ZNF763: variants seen among roughly 807,000 people sequenced by gnomAD.
ZNF763 encodes DNA-binding protein.
ZNF763 carries 33 observed loss-of-function variants against 38.0 expected under a neutral mutation model. The observed-to-expected ratio is 0.87, with a 90% CI of 0.66 to 1.16. The LOEUF is 1.16. Among genes scored for constraint, ZNF763 ranks in the 50% most tolerant of loss-of-function variants. ZNF763 has a pLI of 0.00. For synonymous variants in ZNF763, 155 were observed against 160.1 expected (o/e 0.97, Z 0.24); for missense variants, 423 against 469.1 (o/e 0.90, Z 0.91).
rs545135573 is a variant in ZNF763, at chr19:11,977,423, A to T, written c.183A>T (p.Arg61Ser). 1.4e-5 allele frequency: 23 copies of T among 1,614,058 alleles called. 1 individual carries two copies. The Admixed American group carries it at 2.8e-4, about 20-fold the overall frequency. Residue 61 changes from arginine (R) to serine (S), a missense_variant, in exon 3 of 4, where the codon AGA (arginine) becomes AGT (serine). Coordinates refer to ENST00000358987, the MANE Select transcript of ZNF763 (RefSeq NM_001367172.2). ...AATATGAGTACCAAAACCCCAGGAG[A>T]AACTTCAGGTAATTGGCACTTAAAG... ...NIEYEYQNPR[R>S]NFRSLIEGNV...
chr19:11,974,697 G>A (rs984716318), intron 1 of ZNF763, among the ~76,000 whole-genome samples: 2 of 152,080 alleles, frequency 1.3e-5, no homozygotes, highest in African/African-American at 4.8e-5. Flanking sequence ...CCACCTCCCA[G>A]ATTCAAACAA....
chr19:11,975,722 G>A (rs981680023), intron 1 of ZNF763, among the ~76,000 whole-genome samples: 4 of 152,128 alleles, frequency 2.6e-5, no homozygotes, highest in Non-Finnish European at 5.9e-5. Flanking sequence ...ATATCCCATT[G>A]TATGTGTATG....
chr19:11,976,759 G>A (rs545488873), intron 1 of ZNF763: 10 of 643,398 alleles, frequency 1.6e-5, no homozygotes, highest in African/African-American at 7.9e-5. Context: ...CCAGCTACTC[G>A]GGAGGCTGAG....
chr19:11,970,845 C>T lies in ZNF763; in HGVS notation c.3+5634C>T, dbSNP rs924904228. Among the ~76,000 whole-genome samples the T allele has an allele frequency of 9.1e-4, 139 of 152,108 alleles. 10 individuals carry two copies. Among genetic ancestry groups the T allele is most frequent in the South Asian group, 2.1e-4 (1 of 4,834 alleles). ...ACCTGGGAGGCTGAGGCAGGAGAATCGCTTGAACCTGGGAGGTGGAGGTTG... is the reference window on the plus strand; with the variant it reads ...ACCTGGGAGGCTGAGGCAGGAGAATTGCTTGAACCTGGGAGGTGGAGGTTG... On this transcript the variant is annotated intron_variant, in intron 1 of 3. Coordinates refer to ENST00000358987, the MANE Select transcript of ZNF763 (RefSeq NM_001367172.2).
At chr19:11,973,770 G>C (rs1182947433) in intron 1 of ZNF763, among the ~76,000 whole-genome samples, 1 of 150,400 alleles carries the variant, frequency 6.6e-6, no homozygotes, top group Non-Finnish European at 1.5e-5. Context: ...GTTTTTGGCA[G>C]TTATGAGTAA....
At chr19:11,965,256 C>T (rs377477795) in intron 1 of ZNF763, 45 bp downstream of exon 1, 3 of 1,613,098 alleles carry the variant, frequency 1.9e-6, no homozygotes, top group Non-Finnish European at 8.5e-7. Context: ...TAGAGGCTGC[C>T]TGGAACCGGC....
At chr19:11,974,126 T>TTTTC (rs369346711) in intron 1 of ZNF763, among the ~76,000 whole-genome samples, 1,034 of 54,944 alleles carry the variant, frequency 0.019, 13 homozygotes, top group South Asian at 0.046. Context: ...TCTTTCTTTC[T>TTTTC]TTTCTTTCTT....
intron 1 of ZNF763, among the ~76,000 whole-genome samples, chr19:11,965,430 C>T (rs1400328095): frequency 1.3e-5 from 2 of 152,200 alleles, no homozygotes; most frequent in Non-Finnish European, 2.9e-5. Context: ...GCGGTGACTG[C>T]GGCCCCGCCC....
Position 11,977,157 on chromosome 19 carries a change from C to A in ZNF763, c.123C>A (p.Thr41=), listed in dbSNP as rs778980334. ...EVMLETFRNL[T]SIGKKWKDQN... ...TGCTGGAAACTTTCAGGAACCTGAC[C>A]TCTATAGGTAAGGATGACAATATTC... Residue 41 remains threonine (T), a synonymous_variant, in exon 2 of 4, where the codon ACC becomes ACA. Transcript: ENST00000358987. 6.2e-7 allele frequency: 1 copy of A among 1,614,068 alleles called. No homozygotes were observed. The highest frequency in any genetic ancestry group is 1.7e-5 in the Admixed American group (1 of 60,000).
intron 1 of ZNF763, among the ~76,000 whole-genome samples, chr19:11,970,785 G>A (rs762207495): frequency 1.4e-4 from 22 of 152,126 alleles, no homozygotes; most frequent in Non-Finnish European, 2.2e-4. Flanking sequence ...TACAGCATTA[G>A]CTGAGCATGG....
chr19:11,977,326 A>C (rs757530179), intron 2 of ZNF763, 45 bp from the exon 3 acceptor site: 23 of 1,604,156 alleles, frequency 1.4e-5, no homozygotes, highest in Admixed American at 3.5e-5. Context: ...ATTTTTTCAC[A>C]GTTTTATATT....
At chr19:11,968,098 C>T (rs1002111768) in intron 1 of ZNF763, among the ~76,000 whole-genome samples, 2 of 152,090 alleles carry the variant, frequency 1.3e-5, no homozygotes, top group African/African-American at 4.8e-5. Context: ...TTGTGACTGG[C>T]AAGGAGTGTT....
chr19:11,968,425 A>G (rs279281), intron 1 of ZNF763, among the ~76,000 whole-genome samples: 152,099 of 152,150 alleles, frequency 1, 76,024 homozygotes, highest in Middle Eastern at 1. Flanking sequence ...TGTATTTTAC[A>G]GAGGTGGGGT....
chr19:11,979,003 G>T lies in ZNF763; in HGVS notation c.1079G>T (p.Arg360Met), dbSNP rs765657809. The T allele has an allele frequency of 5.6e-6, 9 of 1,614,100 alleles. No individual in the cohort carries two copies. The Admixed American group carries it at 8.3e-5, about 15-fold the overall frequency. ...CCCAGTTCCCTTCGTAGACATGAAAGGACCCACTCTGCGAAAAAACCTTAT... is the reference window on the plus strand; with the variant it reads ...CCCAGTTCCCTTCGTAGACATGAAATGACCCACTCTGCGAAAAAACCTTAT... ...TYPSSLRRHE[R>M]THSAKKPYEC... is the part of the protein sequence containing the mutation. The change falls in exon 4 of 4, where the codon AGG becomes ATG. Residue 360 changes from arginine to methionine, a missense_variant. Physicochemically the swap from Arg to Met is moderately conservative, Grantham distance 91. Transcript: ENST00000358987.
intron 1 of ZNF763, chr19:11,976,779 T>C: frequency 2.2e-6 from 2 of 904,446 alleles, no homozygotes; most frequent in South Asian, 4.4e-5. Context: ...GGCAGGAGAA[T>C]CGCTTGAACC....
At chr19:11,968,074 G>A (rs1362804270) in intron 1 of ZNF763, among the ~76,000 whole-genome samples, 1 of 152,196 alleles carries the variant, frequency 6.6e-6, no homozygotes, top group Non-Finnish European at 1.5e-5. Flanking sequence ...TGTCAAACAT[G>A]TTATGACCAT....
At chr19:11,969,005 G>C (rs190134238) in intron 1 of ZNF763, among the ~76,000 whole-genome samples, 4 of 152,342 alleles carry the variant, frequency 2.6e-5, no homozygotes, top group African/African-American at 4.8e-5. Flanking sequence ...CAGCTAGCTA[G>C]GTGAAAGTTG....
At chr19:11,966,422 G>A (rs1224984192) in intron 1 of ZNF763, among the ~76,000 whole-genome samples, 1 of 152,168 alleles carries the variant, frequency 6.6e-6, no homozygotes. Flanking sequence ...CGCCCAGGCT[G>A]GAGTGCAATG....
In ZNF763 at chr19:11,980,111, C is replaced by T. The variant is rs1002312128; in HGVS notation, c.*1002C>T. On this transcript the variant is annotated 3_prime_UTR_variant, in exon 4 of 4. Coordinates refer to ENST00000358987, the MANE Select transcript of ZNF763 (RefSeq NM_001367172.2). ...AACCTTCAGATCTACCTCACACCTT[C>T]GAAAACATGGTAGGACTCACACTGG... 22 of 907,478 alleles carry T rather than the reference C, an allele frequency of 2.4e-5. No homozygotes were observed. In the East Asian group the frequency reaches 5.2e-4, roughly 22 times the overall value. The allele number at this position is 907,478 out of a possible 1,614,324, so 56.2% of individuals were successfully genotyped here.
Sources: allele counts gnomAD v4.1 joint callset (sites outside exome capture counted in the v4.1 genomes callset), GRCh38; gene constraint gnomAD v4.1.1; transcripts MANE v1.5; gene names NCBI Gene and HGNC (gene_info 2026-07-23, HGNC 2026-07-21).